MCF2L: variants seen among roughly 807,000 people sequenced by gnomAD.
MCF2L encodes guanine nucleotide exchange factor DBS.
A neutral mutation model predicts 153.4 loss-of-function variants in MCF2L; 97 were observed. The ratio of observed to expected loss-of-function variants is 0.63; its 90% CI spans 0.54 to 0.75. MCF2L has a LOEUF of 0.75. Among genes scored for constraint, MCF2L ranks in the 30% least tolerant of loss-of-function variants. The pLI is 0.00. For synonymous variants in MCF2L, 659 were observed against 632.2 expected, an observed-to-expected ratio of 1.04 and a Z score of -0.64; for missense variants, 1,347 against 1,495.2, an observed-to-expected ratio of 0.90 and a Z score of 1.64.
chr13:113,050,764 TG>T (rs2087243609), intron 4 of MCF2L, among the ~76,000 whole-genome samples: 5 of 2,248 alleles, frequency 2.2e-3, no homozygotes, highest in African/African-American at 0.011. Context: ...CGGGGGGCGG[TG>T]GCGGGGGGAG....
upstream of MCF2L, chr13:112,964,747 T>C (rs1013775824): frequency 6.6e-6 from 1 of 152,156 alleles, no homozygotes; most frequent in Non-Finnish European, 1.5e-5. Flanking sequence ...TGAAAAAACG[T>C]TTAAGTGAAA....
At chr13:112,901,324 T>C (rs1416971634) in intron 1 of MCF2L, among the ~76,000 whole-genome samples, 1 of 152,194 alleles carries the variant, frequency 6.6e-6, no homozygotes, top group African/African-American at 2.4e-5. Context: ...TGGCTAATTT[T>C]TGTATTTTTA....
intron 1 of MCF2L, among the ~76,000 whole-genome samples, chr13:112,996,402 T>C (rs2083133045): frequency 6.6e-6 from 1 of 152,182 alleles, no homozygotes; most frequent in South Asian, 2.1e-4. Context: ...TCTAGCCAGC[T>C]GTAGTGACCC....
chr13:112,968,534 G>T, upstream of MCF2L: 1 of 1,562,234 alleles, frequency 6.4e-7, no homozygotes, highest in Non-Finnish European at 8.6e-7. Context: ...CCTTGGGCAG[G>T]CGATGCCCCT....
rs2034844444 is a variant in MCF2L at position 113,088,384 on chromosome 13, A to G, written c.2746A>G (p.Ser916Gly). 1.2e-6 allele frequency: 2 copies of G among 1,614,038 alleles called. No homozygotes were observed. Among genetic ancestry groups the G allele is most frequent in the East Asian group, 4.5e-5 (2 of 44,880 alleles). The change falls in exon 24 of 30, where the codon AGC (serine) becomes GGC (glycine). Residue 916 changes from serine (S) to glycine (G), a missense_variant. Ser to Gly is a moderately conservative substitution (Grantham distance 56). Around this residue, in one of 3 missense-constraint regions of MCF2L, gnomAD observed 383 missense variants for 335.4 expected, o/e 1.14. Coordinates refer to ENST00000535094, the MANE Select transcript of MCF2L (RefSeq NM_001112732.3). Reference sequence around the variant, plus strand: ...GAATGAAATTCGGAAAGTGCTGACCAGCCAGCTGCAGGCTTGTAGAGGTGA... The same window carrying G: ...GAATGAAATTCGGAAAGTGCTGACCGGCCAGCTGCAGGCTTGTAGAGGTGA... ...WVNEIRKVLT[S>G]QLQACREASQ...
intron 2 of MCF2L, among the ~76,000 whole-genome samples, chr13:112,952,484 T>C (rs1202701714): frequency 2.6e-5 from 4 of 152,192 alleles, no homozygotes; most frequent in Non-Finnish European, 5.9e-5. Flanking sequence ...TTTCTTCAAA[T>C]GTTTGGGTCT....
intron 3 of MCF2L, chr13:113,042,479 G>A (rs1006853723): frequency 6.6e-6 from 1 of 152,208 alleles, no homozygotes; most frequent in East Asian, 1.9e-4. Flanking sequence ...TGTGATACTG[G>A]TGTTCCCATT....
In MCF2L at chr13:113,097,427, A is replaced by G. The variant is rs1020526019; in HGVS notation, c.*568A>G. Reference sequence around the variant, plus strand: ...ATTTTTTTGTTACCGGGGTTTACATAGAAGCACGTTGTTTATACCACTAAG... The same window carrying G: ...ATTTTTTTGTTACCGGGGTTTACATGGAAGCACGTTGTTTATACCACTAAG... On this transcript the variant is annotated 3_prime_UTR_variant, in exon 30 of 30. Coordinates refer to ENST00000535094, the MANE Select transcript of MCF2L (RefSeq NM_001112732.3). The G allele has an allele frequency of 2.0e-5, 3 of 152,236 alleles. No individual in the cohort carries two copies. The highest frequency in any genetic ancestry group is 7.2e-5 in the African/African-American group (3 of 41,456). The allele number at this position is 152,236 out of a possible 1,614,324, so 9.4% of individuals were successfully genotyped here.
At chr13:113,055,785 G>A (rs564629567) in intron 4 of MCF2L, among the ~76,000 whole-genome samples, 2 of 152,340 alleles carry the variant, frequency 1.3e-5, no homozygotes, top group South Asian at 2.1e-4. Context: ...TTACCCACAC[G>A]TGCTCCCTGC....
At position 112,912,964 on chromosome 13, in the gene MCF2L, CTGTA is replaced by C. The variant is rs768207869; in HGVS notation, c.169+10600_169+10603del. Among the ~76,000 whole-genome samples, 44 of 132,948 alleles carry C rather than the reference CTGTA, an allele frequency of 3.3e-4. 1 individual carries two copies. The highest frequency in any genetic ancestry group is 1.5e-3 in the Admixed American group (19 of 12,968). 87.2% of individuals were successfully genotyped at this position (132,948 alleles called of 152,430 possible). On this transcript the variant is annotated intron_variant, in intron 2 of 29. Transcript: ENST00000375608. The stretch of plus-strand genomic sequence containing the variant: ...GTGTGTGTCTGTGGTGTATCTGTGT[CTGTA>C]TGTATGGGGTGTGTCTGTGTGATTG...
chr13:113,096,610 C>T lies in MCF2L; in HGVS notation c.3249C>T (p.Val1083=), dbSNP rs2035685232. Reference sequence around the variant, plus strand: ...GGGTGCCGGCCAGCAGCCTGTCCGTCCGGCTCGGCCCGTCCGGCTCGGCCC... The same window carrying T: ...GGGTGCCGGCCAGCAGCCTGTCCGTTCGGCTCGGCCCGTCCGGCTCGGCCC... ...EGWVPASSLS[V]RLGPSGSAQC... Residue 1083 remains valine, a synonymous_variant, in exon 29 of 30, where the codon GTC becomes GTT. Coordinates refer to ENST00000535094, the MANE Select transcript of MCF2L (RefSeq NM_001112732.3). 13 of 1,598,918 alleles carry T rather than the reference C, an allele frequency of 8.1e-6. No individual in the cohort carries two copies. Among genetic ancestry groups the T allele is most frequent in the Non-Finnish European group, 9.3e-6 (11 of 1,177,114 alleles).
intron 1 of MCF2L, among the ~76,000 whole-genome samples, chr13:112,977,081 A>G (rs1287115685): frequency 6.6e-6 from 1 of 152,192 alleles, no homozygotes; most frequent in Admixed American, 6.5e-5. Flanking sequence ...GGAGCGCTGA[A>G]TTTTAAATCA....
intron 1 of MCF2L, among the ~76,000 whole-genome samples, chr13:112,994,334 T>C (rs2083026834): frequency 1.3e-5 from 2 of 150,500 alleles, no homozygotes; most frequent in Non-Finnish European, 3.0e-5. Flanking sequence ...TCTGTGCCGG[T>C]GTCTCGGGCG....
intron 1 of MCF2L, among the ~76,000 whole-genome samples, chr13:112,900,950 G>A (rs1049319501): frequency 2.0e-5 from 3 of 152,038 alleles, no homozygotes; most frequent in Non-Finnish European, 1.5e-5. Flanking sequence ...GACAATGAAA[G>A]GGGGAGATGT....
At chr13:112,900,583 T>C (rs1400203695) in intron 1 of MCF2L, among the ~76,000 whole-genome samples, 1 of 148,206 alleles carries the variant, frequency 6.7e-6, no homozygotes, top group East Asian at 2.0e-4. Context: ...CACCAAGGGG[T>C]GAGTGTGTTT....
chr13:113,021,623 A>T (rs1385151573), intron 2 of MCF2L, among the ~76,000 whole-genome samples: 1 of 152,188 alleles, frequency 6.6e-6, no homozygotes, highest in African/African-American at 2.4e-5. Flanking sequence ...GTAGACACAG[A>T]AGTAGAGCCT....
rs1304250712 is a variant in MCF2L, at chr13:113,096,314, G to C, written c.3076-57G>C. The C allele has an allele frequency of 3.7e-6, 5 of 1,351,540 alleles. No homozygotes were observed. In the East Asian group the frequency reaches 1.0e-4, roughly 27 times the overall value. 83.7% of individuals were successfully genotyped at this position (1,351,540 alleles called of 1,614,324 possible). On this transcript the variant is annotated intron_variant, in intron 27 of 29. Coordinates refer to ENST00000535094, the MANE Select transcript of MCF2L (RefSeq NM_001112732.3). ...CCCGGCACTCCGCCTGGCTGCTGTG[G>C]GGCTGCTGCCGGGGCGGGTGCTGAC... is the stretch of plus-strand genomic sequence containing the variant.
At chr13:112,984,980 G>T (rs926124615) in intron 1 of MCF2L, 2 of 173,136 alleles carry the variant, frequency 1.2e-5, no homozygotes, top group African/African-American at 2.4e-5. Context: ...GCCTCCCCAG[G>T]AATATGCTGC....
rs139258493 is a variant in MCF2L, at chr13:112,969,955, G to A, written c.79+497G>A. On this transcript the variant is annotated intron_variant, in intron 1 of 29. Coordinates refer to ENST00000535094, the MANE Select transcript of MCF2L (RefSeq NM_001112732.3). The surrounding 1 kb of genome is among the most constrained non-coding windows in gnomAD (Gnocchi z 4.8). ...AAACCTAAGACAGATGTTTGAGACG[G>A]TATGGGTAAAGAGTGGACTGGACGT... Among the ~76,000 whole-genome samples the A allele has an allele frequency of 5.4e-4, 82 of 152,256 alleles. No homozygotes were observed. The East Asian group carries it at 0.014, about 26-fold the overall frequency.
Sources: gnomAD v4.1 joint callset for allele counts (sites outside exome capture counted in the v4.1 genomes callset) on GRCh38, gnomAD v4.1.1 for gene constraint, gnomAD v4.1.1 regional missense constraint, Gnocchi (gnomAD v3.1) non-coding constraint, MANE v1.5 for transcripts, NCBI Gene and HGNC (gene_info 2026-07-23, HGNC 2026-07-21) for gene names.